The following STOX2 variants were observed in gnomAD, a reference collection of about 807,000 sequenced individuals.
The protein encoded by STOX2 is storkhead-box protein 2.
A neutral mutation model predicts 60.9 loss-of-function variants in STOX2; 28 were observed. The ratio of observed to expected loss-of-function variants is 0.46; its 90% CI spans 0.34 to 0.63. The LOEUF (loss-of-function observed/expected upper bound fraction) is 0.63. Among genes scored for constraint, STOX2 ranks in the 30% least tolerant of loss-of-function variants. The pLI is 0.01. For missense variants in STOX2, 1,024 were observed against 1,187.7 expected (o/e 0.86, Z 2.03); for synonymous variants, 472 against 463.9 (o/e 1.02, Z -0.22).
chr4:183,799,317 G>A (rs4862253), intron 1 of STOX2, among the ~76,000 whole-genome samples: 146,535 of 152,244 alleles, frequency 0.96, 70,745 homozygotes, highest in East Asian at 1. Flanking sequence ...ACTTTAGCAA[G>A]AACCTCAGTC....
chr4:183,937,116 C>T (rs1359618971), intron 1 of STOX2, among the ~76,000 whole-genome samples: 4 of 152,198 alleles, frequency 2.6e-5, no homozygotes, highest in African/African-American at 9.7e-5. Flanking sequence ...TGATGTACAG[C>T]TAAAGCACTC....
At chr4:183,812,133 T>C (rs1166350768) in intron 1 of STOX2, among the ~76,000 whole-genome samples, 3 of 152,182 alleles carry the variant, frequency 2.0e-5, no homozygotes, top group Non-Finnish European at 4.4e-5. Flanking sequence ...GGTCTCACTA[T>C]GTTGCCCAGG....
intron 1 of STOX2, among the ~76,000 whole-genome samples, chr4:183,880,903 A>AT (rs1740943823): frequency 6.6e-6 from 1 of 152,092 alleles, no homozygotes; most frequent in African/African-American, 2.4e-5. Context: ...TAAGGAGGAA[A>AT]TTTTTTCAAG....
chr4:183,938,646 G>A (rs1742658021), intron 1 of STOX2, among the ~76,000 whole-genome samples: 2 of 143,094 alleles, frequency 1.4e-5, no homozygotes, highest in South Asian at 4.4e-4. Context: ...TCCAACCCGG[G>A]CAACAGAGTG....
chr4:184,014,110 C>CAAAAAAAAAAAAAAAA (rs10527539), intron 3 of STOX2: 1 of 138,642 alleles, frequency 7.2e-6, no homozygotes, highest in African/African-American at 2.7e-5. Flanking sequence ...AAGCCCCAAC[C>CAAAAAAAAAAAAAAAA]AAAAAAAAAA....
intron 1 of STOX2, among the ~76,000 whole-genome samples, chr4:183,915,710 C>T (rs1462370927): frequency 6.6e-6 from 1 of 152,130 alleles, no homozygotes; most frequent in African/African-American, 2.4e-5. Flanking sequence ...ACGAGAGAGG[C>T]AGAGATGGGA....
At chr4:183,802,911 G>A (rs565909677) in intron 1 of STOX2, among the ~76,000 whole-genome samples, 18 of 152,174 alleles carry the variant, frequency 1.2e-4, no homozygotes, top group East Asian at 3.9e-4. Context: ...GTGAGCCACC[G>A]CACCCGGCCC....
chr4:183,932,158 G>T (rs1742443426), intron 1 of STOX2, among the ~76,000 whole-genome samples: 2 of 152,062 alleles, frequency 1.3e-5, no homozygotes, highest in Non-Finnish European at 2.9e-5. Context: ...CCCAGTTTCT[G>T]AGAAAGGGAG....
In STOX2 at chr4:183,837,145, G is replaced by A. The variant is rs748266410; in HGVS notation, c.364+39090G>A. On this transcript the variant is annotated intron_variant, in intron 1 of 2. Transcript: ENST00000513034. Reference sequence around the variant, plus strand: ...ATGGGGGAATCCTTGGAGCTTTCTCGGGGAGTGGGGAAGAGCATCCCAGGC... The same window carrying A: ...ATGGGGGAATCCTTGGAGCTTTCTCAGGGAGTGGGGAAGAGCATCCCAGGC... Among the ~76,000 whole-genome samples, 14 of 152,222 alleles carry A rather than the reference G, an allele frequency of 9.2e-5. No homozygotes were observed. The Middle Eastern group carries it at 0.014, about 148-fold the overall frequency.
chr4:183,863,593 C>T (rs920647455), intron 1 of STOX2, among the ~76,000 whole-genome samples: 18 of 152,066 alleles, frequency 1.2e-4, no homozygotes, highest in African/African-American at 4.3e-4. Context: ...ATAGTGTTTC[C>T]ATTAGTATTG....
At position 183,865,938 on chromosome 4, in the gene STOX2, T is replaced by A. The variant is rs1404664666; in HGVS notation, c.364+67883T>A. On this transcript the variant is annotated intron_variant, in intron 1 of 2. Transcript: ENST00000513034. The surrounding 1 kb of genome is among the most constrained non-coding windows in gnomAD (Gnocchi z 4.1). ...ATGAGTGGCGTGATAAAGATTAGGC[T>A]TTAGGAAAAATGGAAGACGGAGTTG... Among the ~76,000 whole-genome samples the A allele has an allele frequency of 6.6e-6, 1 of 152,088 alleles. No individual in the cohort carries two copies. The highest frequency in any genetic ancestry group is 1.5e-5 in the Non-Finnish European group (1 of 68,010).
intron 1 of STOX2, among the ~76,000 whole-genome samples, chr4:183,859,047 G>A (rs1469907033): frequency 6.6e-6 from 1 of 152,106 alleles, no homozygotes; most frequent in Non-Finnish European, 1.5e-5. Flanking sequence ...AAGGTTTTAT[G>A]CCTTTCTCAG....
intron 1 of STOX2, among the ~76,000 whole-genome samples, chr4:183,884,112 C>CTTT (rs1741021384): frequency 6.6e-6 from 1 of 152,188 alleles, no homozygotes; most frequent in Non-Finnish European, 1.5e-5. Flanking sequence ...CCTCGGCCTC[C>CTTT]CAAAGTGCTG....
intron 1 of STOX2, among the ~76,000 whole-genome samples, chr4:183,889,517 G>A (rs1443268199): frequency 6.6e-6 from 1 of 152,228 alleles, no homozygotes; most frequent in Admixed American, 6.5e-5. Flanking sequence ...CCAGTGTGTG[G>A]TGTTTCGTTA....
intron 1 of STOX2, among the ~76,000 whole-genome samples, chr4:183,801,670 T>A (rs1738767211): frequency 6.6e-6 from 1 of 152,122 alleles, no homozygotes; most frequent in Admixed American, 6.5e-5. Context: ...CTTTCCCTGC[T>A]GGGGAAGGAG....
chr4:183,826,726 C>T (rs1039482237), intron 1 of STOX2, among the ~76,000 whole-genome samples: 1 of 152,228 alleles, frequency 6.6e-6, no homozygotes, highest in African/African-American at 2.4e-5. Context: ...GGAGAATACA[C>T]AGTGTCCACT....
intron 1 of STOX2, among the ~76,000 whole-genome samples, chr4:183,861,798 C>T (rs915107151): frequency 3.3e-5 from 5 of 152,136 alleles, no homozygotes; most frequent in Non-Finnish European, 7.3e-5. Context: ...ATTATCTAAA[C>T]GCTAATATAC....
intron 1 of STOX2, among the ~76,000 whole-genome samples, chr4:183,881,431 G>A (rs1414377832): frequency 6.6e-6 from 1 of 152,204 alleles, no homozygotes; most frequent in Non-Finnish European, 1.5e-5. Context: ...GAACCTGGGA[G>A]GCGGAGGTTG....
At chr4:183,878,779 A>G (rs987516175) in intron 1 of STOX2, among the ~76,000 whole-genome samples, 5 of 152,366 alleles carry the variant, frequency 3.3e-5, no homozygotes, top group African/African-American at 9.6e-5. Context: ...TTTAATGCCA[A>G]TGCTTTTAAT....
Sources: gnomAD v4.1 joint callset for allele counts (sites outside exome capture counted in the v4.1 genomes callset) on GRCh38, gnomAD v4.1.1 for gene constraint, Gnocchi (gnomAD v3.1) non-coding constraint, MANE v1.5 for transcripts, NCBI Gene and HGNC (gene_info 2026-07-23, HGNC 2026-07-21) for gene names.